C10orf67: variants seen among roughly 807,000 people sequenced by gnomAD.
C10orf67 encodes the protein uncharacterized protein C10orf67, mitochondrial.
C10orf67 carries 60 observed loss-of-function variants against 35.6 expected under a neutral mutation model. That is an observed-to-expected ratio of 1.68 (90% CI 1.37 to 2.09). C10orf67 has a LOEUF of 2.09. C10orf67 is among the 30% of genes most tolerant of loss of function. The probability of loss-of-function intolerance (pLI) is 0.00; values close to 1 mark genes in which losing one functional copy is unlikely to be tolerated. For missense variants in C10orf67, 474 were observed against 330.2 expected (o/e 1.44, Z -3.38); for synonymous variants, 167 against 115.8 (o/e 1.44, Z -2.84).
At chr10:23,334,304 A>G (rs531805769) in intron 1 of C10orf67, among the ~76,000 whole-genome samples, 1 of 152,252 alleles carries the variant, frequency 6.6e-6, no homozygotes, top group Non-Finnish European at 1.5e-5. Flanking sequence ...AAGGATAGGC[A>G]TCTCAAACAG....
chr10:23,328,193 T>C (rs1481435231), intron 2 of C10orf67, among the ~76,000 whole-genome samples: 1 of 152,146 alleles, frequency 6.6e-6, no homozygotes, highest in Non-Finnish European at 1.5e-5. Context: ...CTACGATCTA[T>C]AGGCATTGGT....
intron 1 of C10orf67, among the ~76,000 whole-genome samples, chr10:23,337,793 G>GA (rs1845744447): frequency 6.6e-6 from 1 of 152,052 alleles, no homozygotes; most frequent in South Asian, 2.1e-4. Flanking sequence ...GTGACTGAGG[G>GA]AAAAAACCTC....
chr10:23,244,116 C>A (rs1272587520), intron 12 of C10orf67, among the ~76,000 whole-genome samples: 1 of 152,148 alleles, frequency 6.6e-6, no homozygotes, highest in African/African-American at 2.4e-5. Flanking sequence ...GTCTCAAACT[C>A]CTGAGCTCAA....
intron 12 of C10orf67, among the ~76,000 whole-genome samples, chr10:23,242,237 C>T (rs143263211): frequency 0.024 from 3,706 of 151,942 alleles, 58 homozygotes; most frequent in Non-Finnish European, 0.036. Context: ...CCAAAGTGCT[C>T]GGATTACAAG....
intron 8 of C10orf67, among the ~76,000 whole-genome samples, chr10:23,268,212 T>C (rs1179109515): frequency 1.3e-5 from 2 of 152,132 alleles, no homozygotes; most frequent in Admixed American, 6.5e-5. Flanking sequence ...GGAGAATCGC[T>C]TGAGTCCAGG....
intron 13 of C10orf67, among the ~76,000 whole-genome samples, chr10:23,237,953 A>G (rs191110773): frequency 1.3e-5 from 2 of 152,280 alleles, no homozygotes; most frequent in East Asian, 1.9e-4. Flanking sequence ...ATCATAGCAA[A>G]CTTTTTCTTT....
intron 15 of C10orf67, among the ~76,000 whole-genome samples, chr10:23,205,272 C>A (rs541479659): frequency 5.9e-5 from 9 of 152,250 alleles, no homozygotes; most frequent in African/African-American, 2.2e-4. Context: ...AAGTAATGTC[C>A]AATGCTACAC....
intron 1 of C10orf67, chr10:23,344,017 C>A (rs1846031490): frequency 2.4e-6 from 1 of 409,272 alleles, no homozygotes; most frequent in Non-Finnish European, 5.2e-6. Context: ...CCCGGACGTG[C>A]GCCTCCCGCG....
intron 4 of C10orf67, among the ~76,000 whole-genome samples, chr10:23,319,570 G>A (rs1455847842): frequency 6.6e-6 from 1 of 152,174 alleles, no homozygotes; most frequent in African/African-American, 2.4e-5. Context: ...TAATTTCTTT[G>A]AGAAATCTTC....
chr10:23,233,704 G>T (rs533389102), intron 13 of C10orf67, among the ~76,000 whole-genome samples: 6 of 152,200 alleles, frequency 3.9e-5, no homozygotes, highest in Admixed American at 6.5e-5. Context: ...ATATATTGAT[G>T]AAATTAGGGC....
At chr10:23,331,848 C>T (rs1845499808) in intron 2 of C10orf67, among the ~76,000 whole-genome samples, 1 of 151,942 alleles carries the variant, frequency 6.6e-6, no homozygotes, top group Admixed American at 6.6e-5. Flanking sequence ...ATCCTACTGA[C>T]CAGAACGTGG....
chr10:23,239,989 T>A (rs2132138018), intron 12 of C10orf67, among the ~76,000 whole-genome samples, 173 bp from the exon 13 acceptor site: 1 of 152,238 alleles, frequency 6.6e-6, no homozygotes, highest in South Asian at 2.1e-4. Flanking sequence ...AACTACATGT[T>A]GCCTGGGCAA....
intron 13 of C10orf67, among the ~76,000 whole-genome samples, chr10:23,232,387 G>T (rs1841935578): frequency 6.6e-6 from 1 of 152,136 alleles, no homozygotes; most frequent in Non-Finnish European, 1.5e-5. Context: ...TAAAGCATAA[G>T]AAAATTACTA....
chr10:23,226,623 A>T (rs964210980), intron 13 of C10orf67, among the ~76,000 whole-genome samples: 3 of 152,160 alleles, frequency 2.0e-5, no homozygotes, highest in African/African-American at 7.2e-5. Context: ...GACGCAAAAA[A>T]CCCTTCAAAA....
intron 4 of C10orf67, among the ~76,000 whole-genome samples, chr10:23,306,012 C>T (rs1294035066): frequency 6.6e-6 from 1 of 151,744 alleles, no homozygotes; most frequent in African/African-American, 2.4e-5. Context: ...CACACACACA[C>T]AATGGAATAT....
At chr10:23,329,210 G>A (rs1845330405) in intron 2 of C10orf67, among the ~76,000 whole-genome samples, 1 of 151,388 alleles carries the variant, frequency 6.6e-6, no homozygotes, top group Non-Finnish European at 1.5e-5. Context: ...AAAAAAGAGA[G>A]GAGATATGCA....
intron 1 of C10orf67, chr10:23,343,892 C>A (rs1174826586): frequency 2.2e-6 from 1 of 464,674 alleles, no homozygotes; most frequent in African/African-American, 2.0e-5. Context: ...GGGACTGCCT[C>A]TCCCGCTGGT....
chr10:23,307,886 T>C (rs1343229711), intron 4 of C10orf67, among the ~76,000 whole-genome samples: 1 of 152,160 alleles, frequency 6.6e-6, no homozygotes, highest in African/African-American at 2.4e-5. Flanking sequence ...CCCAAAGTCC[T>C]GGGACTACAG....
chr10:23,305,391 T>A (rs1234518991), intron 4 of C10orf67, among the ~76,000 whole-genome samples: 7 of 152,126 alleles, frequency 4.6e-5, no homozygotes, highest in Admixed American at 4.6e-4. Flanking sequence ...TAATCCCAGC[T>A]ACTTGGGAGG....
Sources: allele counts gnomAD v4.1 joint callset (sites outside exome capture counted in the v4.1 genomes callset), GRCh38; gene constraint gnomAD v4.1.1; transcripts MANE v1.5; gene names NCBI Gene and HGNC (gene_info 2026-07-23, HGNC 2026-07-21).